Variants in ICA1 observed in about 807,000 individuals in gnomAD.
ICA1 encodes the protein islet cell autoantigen 1, also known as 69 kDa islet cell autoantigen.
Under a neutral mutation model 71.0 loss-of-function variants are expected in ICA1, and 40 were observed. The ratio of observed to expected loss-of-function variants is 0.56; its 90% CI spans 0.44 to 0.73. The LOEUF is 0.73. Among genes scored for constraint, ICA1 ranks in the 30% least tolerant of loss-of-function variants. The pLI, the probability that ICA1 is intolerant of heterozygous loss-of-function variation, is 0.00. For synonymous variants in ICA1, 207 were observed against 209.5 expected, an observed-to-expected ratio of 0.99 and a Z score of 0.10; for missense variants, 578 against 576.5, an observed-to-expected ratio of 1.00 and a Z score of -0.03.
At chr7:8,207,514 C>T (rs1429175528) in intron 6 of ICA1, among the ~76,000 whole-genome samples, 1 of 152,192 alleles carries the variant, frequency 6.6e-6, no homozygotes. Context: ...ATACCTGTAA[C>T]TGTCCTGAAA....
intron 6 of ICA1, among the ~76,000 whole-genome samples, chr7:8,176,876 T>C (rs1780791879): frequency 6.6e-6 from 1 of 152,118 alleles, no homozygotes; most frequent in Admixed American, 6.5e-5. Flanking sequence ...GGAAAGCAGG[T>C]TTCGGAAACA....
intron 12 of ICA1, 54 bp from the exon 13 acceptor site, chr7:8,128,196 G>T (rs1441578814): frequency 1.9e-6 from 3 of 1,570,770 alleles, no homozygotes; most frequent in Middle Eastern, 1.8e-4. Flanking sequence ...AAGCCCTCAG[G>T]AATCAATGCT....
At chr7:8,248,416 T>TC (rs1269678863) in intron 1 of ICA1, among the ~76,000 whole-genome samples, 2 of 152,152 alleles carry the variant, frequency 1.3e-5, no homozygotes, top group East Asian at 3.8e-4. Flanking sequence ...GGCCATTTTT[T>TC]CCCCCATAAG....
At chr7:8,194,670 C>T (rs1786807843) in intron 6 of ICA1, among the ~76,000 whole-genome samples, 1 of 152,138 alleles carries the variant, frequency 6.6e-6, no homozygotes, top group African/African-American at 2.4e-5. Context: ...AAGTTTCAGA[C>T]AGCATTTATT....
At chr7:8,157,987 G>A (rs1802341824) in intron 7 of ICA1, among the ~76,000 whole-genome samples, 1 of 152,132 alleles carries the variant, frequency 6.6e-6, no homozygotes, top group Non-Finnish European at 1.5e-5. Flanking sequence ...ACTGTGCCCA[G>A]CCCTGGTCTT....
chr7:8,147,935 T>A (rs578112376), intron 8 of ICA1, among the ~76,000 whole-genome samples: 9 of 152,248 alleles, frequency 5.9e-5, no homozygotes, highest in African/African-American at 1.9e-4. Context: ...CTGGCTCCAC[T>A]CCAGTTTCCT....
chr7:8,242,070 T>C (rs1487787040), intron 1 of ICA1, among the ~76,000 whole-genome samples: 6 of 152,148 alleles, frequency 3.9e-5, no homozygotes, highest in East Asian at 1.9e-4. Context: ...GCAGACCTAA[T>C]AGACATCTAC....
At chr7:8,146,045 G>A (rs1796770503) in intron 8 of ICA1, among the ~76,000 whole-genome samples, 1 of 152,036 alleles carries the variant, frequency 6.6e-6, no homozygotes, top group African/African-American at 2.4e-5. Flanking sequence ...CATTTTTAAT[G>A]ACTCCTATTT....
chr7:8,257,215 G>A (rs575170151), intron 1 of ICA1, among the ~76,000 whole-genome samples: 1 of 152,312 alleles, frequency 6.6e-6, no homozygotes, highest in Non-Finnish European at 1.5e-5. Context: ...ATAGTTGTCA[G>A]GGTTCCTATG....
rs117942352 is a variant in ICA1, at chr7:8,234,718, G to A, written c.17+1192C>T. 5.0e-3 allele frequency among the ~76,000 whole-genome samples: 758 copies of A among 152,196 alleles called. 4 individuals are homozygous for A. Among genetic ancestry groups the A allele is most frequent in the Non-Finnish European group, 6.6e-3 (450 of 68,012 alleles). Reference sequence around the variant, plus strand: ...TATCTTTCTGCATTATTTAAAAGTCGTATTATGAGCTCATATCAGAGAAAA... The same window carrying A: ...TATCTTTCTGCATTATTTAAAAGTCATATTATGAGCTCATATCAGAGAAAA... On this transcript the variant is annotated intron_variant, in intron 2 of 13. Coordinates refer to ENST00000402384, the MANE Select transcript of ICA1 (RefSeq NM_001136020.3). The surrounding 1 kb of genome is among the most constrained non-coding windows in gnomAD (Gnocchi z 4.5).
intron 6 of ICA1, among the ~76,000 whole-genome samples, chr7:8,212,469 G>A (rs1056496111): frequency 2.2e-5 from 3 of 139,456 alleles, no homozygotes; most frequent in Admixed American, 7.4e-5. Context: ...GGAAGCTGGG[G>A]CACAAGAAAT....
intron 6 of ICA1, among the ~76,000 whole-genome samples, chr7:8,205,078 CA>C (rs56223249): frequency 0.64 from 70,336 of 109,380 alleles, 22,901 homozygotes; most frequent in South Asian, 0.78. Flanking sequence ...GGAAGACATG[CA>C]AAAAAAAAAA....
At position 8,113,850 on chromosome 7, in the gene ICA1, AC is replaced by A; in HGVS notation, c.*72del. 2 of 1,508,056 alleles carry A rather than the reference AC, an allele frequency of 1.3e-6. No individual in the cohort carries two copies. The highest frequency in any genetic ancestry group is 2.3e-5 in the South Asian group (2 of 88,170). 93.4% of individuals were successfully genotyped at this position (1,508,056 alleles called of 1,614,324 possible). A position where few individuals can be genotyped will look rare whatever the true frequency, so the allele number is the denominator to read the frequency against. ...TAATTATTAAAACAGCATACTGATC[AC>A]TTTATACTTCTGCTAGCCCCCAGGG... On this transcript the variant is annotated 3_prime_UTR_variant, in exon 14 of 14. Coordinates refer to ENST00000402384, the MANE Select transcript of ICA1 (RefSeq NM_001136020.3). The surrounding 1 kb of genome is among the most constrained non-coding windows in gnomAD (Gnocchi z 4.2).
chr7:8,236,868 G>C (rs1470141545), intron 1 of ICA1: 1 of 152,310 alleles, frequency 6.6e-6, no homozygotes. Flanking sequence ...ACTGGCCAGA[G>C]GCAAAACCTC....
In ICA1 at chr7:8,211,646, C is replaced by A. The variant is rs114967163; in HGVS notation, c.579+6659G>T. On this transcript the variant is annotated intron_variant, in intron 6 of 13. Coordinates refer to ENST00000402384, the MANE Select transcript of ICA1 (RefSeq NM_001136020.3). ...TGTAAATACATTGATCACTACTCAA[C>A]TGGACACTTAAAAATGGCTAAGATG... Among the ~76,000 whole-genome samples, 673 of 152,312 alleles carry A rather than the reference C, an allele frequency of 4.4e-3. 6 individuals are homozygous for A. Among genetic ancestry groups the A allele is most frequent in the African/African-American group, 0.015 (630 of 41,576 alleles).
rs1047157764 is a variant in ICA1, at chr7:8,123,797, G to C, written c.1330+4076C>G. Among the ~76,000 whole-genome samples, 2 of 152,252 alleles carry C rather than the reference G, an allele frequency of 1.3e-5. No homozygotes were observed. Among genetic ancestry groups the C allele is most frequent in the South Asian group, 4.1e-4 (2 of 4,820 alleles). The stretch of plus-strand genomic sequence containing the variant: ...AGAGCCCCACTGGGAAATCCCTTTT[G>C]CTCTCAGAGACTGTACTGAGAGGCC... On this transcript the variant is annotated intron_variant, in intron 13 of 13. Transcript: ENST00000402384. The surrounding 1 kb of genome is among the most constrained non-coding windows in gnomAD (Gnocchi z 4.1).
At chr7:8,152,618 CTCTTCCACCACT>C (rs1799361209) in intron 8 of ICA1, among the ~76,000 whole-genome samples, 1 of 141,342 alleles carries the variant, frequency 7.1e-6, no homozygotes, top group Admixed American at 6.9e-5. Context: ...CCACCATCAC[CTCTTCCACCACT>C]ACCACCATCT....
At position 8,189,156 on chromosome 7, in the gene ICA1, C is replaced by A. The variant is rs931287036; in HGVS notation, c.579+29149G>T. On this transcript the variant is annotated intron_variant, in intron 6 of 13. Coordinates refer to ENST00000402384, the MANE Select transcript of ICA1 (RefSeq NM_001136020.3). ...AAAGATCTGTCTCCCCAAGTAAACA[C>A]TGCACCCTGTGAGTGCTGGGATCTG... Among the ~76,000 whole-genome samples the A allele has an allele frequency of 3.9e-5, 6 of 152,326 alleles. No individual in the cohort carries two copies. In the South Asian group the frequency reaches 1.2e-3, roughly 32 times the overall value.
intron 13 of ICA1, among the ~76,000 whole-genome samples, chr7:8,119,368 G>A (rs1278822971): frequency 6.6e-6 from 1 of 152,112 alleles, no homozygotes; most frequent in Non-Finnish European, 1.5e-5. Flanking sequence ...CAGCTGCAGA[G>A]AACACTGGAA....
Sources: gnomAD v4.1 joint callset for allele counts (sites outside exome capture counted in the v4.1 genomes callset) on GRCh38, gnomAD v4.1.1 for gene constraint, Gnocchi (gnomAD v3.1) non-coding constraint, MANE v1.5 for transcripts, NCBI Gene and HGNC (gene_info 2026-07-23, HGNC 2026-07-21) for gene names.